The following SIPA1L1 variants were observed in gnomAD, a reference collection of about 807,000 sequenced individuals.
SIPA1L1 encodes signal-induced proliferation-associated 1-like protein 1.
Under a neutral mutation model 162.7 loss-of-function variants are expected in SIPA1L1, and 26 were observed. The observed-to-expected ratio is 0.16, with a 90% confidence interval of 0.12 to 0.22. SIPA1L1 has a LOEUF of 0.22. Ranked by LOEUF, SIPA1L1 falls within the 10% of genes least tolerant of loss-of-function variation. The pLI is 1.00. For missense variants in SIPA1L1, 1,874 were observed against 2,241.0 expected (o/e 0.84, Z 3.31); for synonymous variants, 829 against 837.4 (o/e 0.99, Z 0.17).
intron 4 of SIPA1L1, among the ~76,000 whole-genome samples, chr14:71,542,161 G>T (rs926959183): frequency 6.6e-6 from 1 of 151,956 alleles, no homozygotes; most frequent in Non-Finnish European, 1.5e-5. Flanking sequence ...TCACTGGCAG[G>T]CTTGAACTCC....
At chr14:71,620,373 C>G (rs1371141004) in intron 6 of SIPA1L1, among the ~76,000 whole-genome samples, 1 of 152,198 alleles carries the variant, frequency 6.6e-6, no homozygotes, top group Non-Finnish European at 1.5e-5. Context: ...CTGGCCGTTC[C>G]TACCAGTTTT....
intron 4 of SIPA1L1, among the ~76,000 whole-genome samples, chr14:71,553,031 T>C (rs927362734): frequency 3.9e-5 from 6 of 152,132 alleles, no homozygotes; most frequent in African/African-American, 1.4e-4. Context: ...AGATTGCCGA[T>C]ATCTCCAAAT....
chr14:71,714,369 T>C (rs2083102975), intron 17 of SIPA1L1, among the ~76,000 whole-genome samples: 1 of 152,196 alleles, frequency 6.6e-6, no homozygotes, highest in Non-Finnish European at 1.5e-5. Flanking sequence ...TTTTTTGCTT[T>C]GTTCTATGAA....
intron 8 of SIPA1L1, among the ~76,000 whole-genome samples, chr14:71,652,010 G>A (rs2042661022): frequency 6.6e-6 from 1 of 152,118 alleles, no homozygotes; most frequent in African/African-American, 2.4e-5. Context: ...CCTTTAAGTA[G>A]TTCAACTTTA....
intron 19 of SIPA1L1, among the ~76,000 whole-genome samples, chr14:71,726,659 C>T (rs1222736678): frequency 2.6e-5 from 4 of 152,138 alleles, no homozygotes; most frequent in Admixed American, 1.3e-4. Context: ...TGTGAGACTC[C>T]GCGAAGAAAG....
At chr14:71,471,014 T>A (rs1382383460) in intron 2 of SIPA1L1, among the ~76,000 whole-genome samples, 1 of 151,786 alleles carries the variant, frequency 6.6e-6, no homozygotes, top group Non-Finnish European at 1.5e-5. Flanking sequence ...ATTTTTTGTA[T>A]TTTTTTTAAT....
intron 22 of SIPA1L1, among the ~76,000 whole-genome samples, chr14:71,737,638 G>A (rs1424983121): frequency 6.6e-6 from 1 of 152,152 alleles, no homozygotes; most frequent in Non-Finnish European, 1.5e-5. Flanking sequence ...AAGAAAACAT[G>A]AGAAAATGAG....
intron 4 of SIPA1L1, among the ~76,000 whole-genome samples, chr14:71,542,545 T>TTCC (rs752542472): frequency 2.2e-5 from 3 of 139,074 alleles, no homozygotes; most frequent in South Asian, 2.5e-4. Flanking sequence ...TCCTCCTCTC[T>TTCC]TCCTCCTCCT....
intron 3 of SIPA1L1, among the ~76,000 whole-genome samples, chr14:71,525,926 C>G (rs972729370): frequency 2.0e-5 from 3 of 152,184 alleles, no homozygotes; most frequent in Non-Finnish European, 2.9e-5. Flanking sequence ...TCCTTCCTCC[C>G]TCTGTATTGC....
chr14:71,367,120 T>C (rs962778898), intron 2 of SIPA1L1, among the ~76,000 whole-genome samples: 2 of 152,162 alleles, frequency 1.3e-5, no homozygotes, highest in Non-Finnish European at 2.9e-5. Context: ...AGTAATACTT[T>C]GTGTGTTTGT....
chr14:71,411,902 A>C (rs1453209503), intron 2 of SIPA1L1, among the ~76,000 whole-genome samples: 1 of 152,212 alleles, frequency 6.6e-6, no homozygotes, highest in Admixed American at 6.5e-5. Context: ...GTTAGAATGG[A>C]GTAATTCTGA....
intron 4 of SIPA1L1, among the ~76,000 whole-genome samples, chr14:71,558,444 G>A (rs1233683174): frequency 5.9e-5 from 9 of 152,122 alleles, no homozygotes; most frequent in Non-Finnish European, 1.2e-4. Context: ...ACAGTGGAGA[G>A]CTCCATCATG....
chr14:71,561,494 C>A (rs1397692217), intron 4 of SIPA1L1, among the ~76,000 whole-genome samples: 3 of 152,160 alleles, frequency 2.0e-5, no homozygotes, highest in Non-Finnish European at 4.4e-5. Context: ...CTGTCAATTT[C>A]CCCAGCATTG....
At chr14:71,693,322 G>A (rs1041925566) in intron 13 of SIPA1L1, among the ~76,000 whole-genome samples, 1 of 152,112 alleles carries the variant, frequency 6.6e-6, no homozygotes, top group East Asian at 1.9e-4. Context: ...CCAACATGGC[G>A]AAAGCCTGTC....
At chr14:71,607,156 C>G (rs547120222) in intron 5 of SIPA1L1, among the ~76,000 whole-genome samples, 1 of 151,746 alleles carries the variant, frequency 6.6e-6, no homozygotes, top group South Asian at 2.1e-4. Context: ...CAAAGCTTCT[C>G]CGAGTTCCAG....
intron 12 of SIPA1L1, among the ~76,000 whole-genome samples, chr14:71,677,230 A>T (rs1222969864): frequency 6.6e-6 from 1 of 152,202 alleles, no homozygotes; most frequent in Non-Finnish European, 1.5e-5. Flanking sequence ...GCCAGTGATG[A>T]TGAGCATTTT....
In SIPA1L1 at chr14:71,705,251, A is replaced by G; in HGVS notation, c.3676A>G (p.Lys1226Glu). The G allele has an allele frequency of 6.2e-7, 1 of 1,613,930 alleles. No individual in the cohort carries two copies. Among genetic ancestry groups the G allele is most frequent in the Non-Finnish European group, 8.5e-7 (1 of 1,179,770 alleles). The change falls in exon 16 of 24, where the codon AAG becomes GAG. Residue 1226 changes from lysine (K) to glutamate (E), a missense_variant. Lys to Glu is a moderately conservative substitution (Grantham distance 56). Coordinates refer to ENST00000381232, the MANE Select transcript of SIPA1L1 (RefSeq NM_001386936.1). ...EPTCHLPAVS[K>E]VLPAFRESPS... The stretch of plus-strand genomic sequence containing the variant: ...AACATGCCATCTCCCAGCAGTATCA[A>G]AGGTACTGCCAGCTTTCCGAGAGAG...
At chr14:71,600,095 G>A (rs1306903465) in intron 5 of SIPA1L1, among the ~76,000 whole-genome samples, 1 of 152,076 alleles carries the variant, frequency 6.6e-6, no homozygotes, top group Non-Finnish European at 1.5e-5. Flanking sequence ...TTCTTATGCT[G>A]TACAAAAGCT....
intron 4 of SIPA1L1, among the ~76,000 whole-genome samples, chr14:71,579,535 G>A (rs1478035275): frequency 6.6e-6 from 1 of 152,194 alleles, no homozygotes; most frequent in Non-Finnish European, 1.5e-5. Context: ...TTGAGGGAGA[G>A]AGGTTATGCT....
Sources: gnomAD v4.1 joint callset for allele counts (sites outside exome capture counted in the v4.1 genomes callset) on GRCh38, gnomAD v4.1.1 for gene constraint, MANE v1.5 for transcripts, NCBI Gene and HGNC (gene_info 2026-07-23, HGNC 2026-07-21) for gene names.